The following ROBO2 variants were observed in gnomAD, a reference collection of about 807,000 sequenced individuals.
ROBO2 encodes roundabout guidance receptor 2, also known as roundabout homolog 2.
ROBO2 carries 53 observed loss-of-function variants against 160.8 expected under a neutral mutation model. That is an observed-to-expected ratio of 0.33 (90% CI 0.26 to 0.41). The LOEUF is 0.41. Ranked by LOEUF, ROBO2 falls within the 10% of genes least tolerant of loss-of-function variation. The pLI is 1.00. For synonymous variants in ROBO2, 664 were observed against 611.7 expected, an observed-to-expected ratio of 1.09 and a Z score of -1.26; for missense variants, 1,577 against 1,722.4, an observed-to-expected ratio of 0.92 and a Z score of 1.49.
At chr3:76,440,254 T>TA (rs2076865849) in intron 2 of ROBO2, among the ~76,000 whole-genome samples, 1 of 152,156 alleles carries the variant, frequency 6.6e-6, no homozygotes, top group African/African-American at 2.4e-5. Flanking sequence ...TATTTTATTT[T>TA]TTTTTTATTA....
chr3:77,471,075 A>G (rs897673375), intron 2 of ROBO2, among the ~76,000 whole-genome samples: 2 of 152,202 alleles, frequency 1.3e-5, no homozygotes, highest in African/African-American at 2.4e-5. Flanking sequence ...GTAACATTTT[A>G]GGCTTTACCC....
intron 2 of ROBO2, among the ~76,000 whole-genome samples, chr3:77,032,308 A>G (rs2063373901): frequency 6.6e-6 from 1 of 152,192 alleles, no homozygotes; most frequent in Non-Finnish European, 1.5e-5. Context: ...GCTACAAACT[A>G]TGACACTTTC....
intron 2 of ROBO2, among the ~76,000 whole-genome samples, chr3:76,803,434 A>G (rs2064389410): frequency 2.1e-5 from 1 of 47,152 alleles, no homozygotes; most frequent in Non-Finnish European, 3.7e-5. Context: ...ACAAAAGAGG[A>G]GGAAGGATGG....
At chr3:76,758,352 G>A (rs996696681) in intron 2 of ROBO2, among the ~76,000 whole-genome samples, 12 of 151,770 alleles carry the variant, frequency 7.9e-5, no homozygotes, top group African/African-American at 2.9e-4. Flanking sequence ...CAGAGGAATT[G>A]TCTTTGGCGT....
intron 2 of ROBO2, among the ~76,000 whole-genome samples, chr3:77,332,909 A>C (rs371585028): frequency 1.3e-5 from 2 of 152,308 alleles, no homozygotes; most frequent in Middle Eastern, 6.8e-3. Flanking sequence ...AGAGCGACTT[A>C]TTACAAATTT....
chr3:77,359,265 T>C (rs551980098), intron 2 of ROBO2, among the ~76,000 whole-genome samples: 16 of 152,294 alleles, frequency 1.1e-4, no homozygotes, highest in Admixed American at 7.8e-4. Flanking sequence ...TGACCAGTAA[T>C]GGAAAATGCA....
chr3:76,268,105 C>T (rs1454199054), intron 2 of ROBO2, among the ~76,000 whole-genome samples: 1 of 152,106 alleles, frequency 6.6e-6, no homozygotes, highest in Non-Finnish European at 1.5e-5. Flanking sequence ...TCTAAATGTA[C>T]ACATATACAC....
chr3:77,256,686 AG>A (rs2058438100), intron 2 of ROBO2, among the ~76,000 whole-genome samples: 1 of 152,222 alleles, frequency 6.6e-6, no homozygotes, highest in Non-Finnish European at 1.5e-5. Flanking sequence ...AGGAGGAAAG[AG>A]GAAAAGCCTA....
chr3:75,948,471 C>T (rs1948407902), intron 2 of ROBO2, among the ~76,000 whole-genome samples: 1 of 151,972 alleles, frequency 6.6e-6, no homozygotes, highest in Non-Finnish European at 1.5e-5. Flanking sequence ...ATACCCTAGC[C>T]ACATGCCAAT....
chr3:76,765,862 A>AC (rs1361884659), intron 2 of ROBO2, among the ~76,000 whole-genome samples: 1 of 151,534 alleles, frequency 6.6e-6, no homozygotes, highest in African/African-American at 2.4e-5. Flanking sequence ...AAATAAAAGG[A>AC]CTGTTTCGAG....
chr3:76,793,309 G>T (rs2108755911), intron 2 of ROBO2, among the ~76,000 whole-genome samples: 1 of 151,866 alleles, frequency 6.6e-6, no homozygotes, highest in Admixed American at 6.6e-5. Flanking sequence ...ATCTCACCCT[G>T]ATCATTTATA....
At chr3:76,825,899 T>C (rs1026020173) in intron 2 of ROBO2, among the ~76,000 whole-genome samples, 15 of 152,106 alleles carry the variant, frequency 9.9e-5, no homozygotes, top group African/African-American at 3.4e-4. Context: ...ATTTCTCTTG[T>C]GCATACTGTT....
chr3:77,624,766 G>C (rs1029595415), intron 23 of ROBO2, among the ~76,000 whole-genome samples: 2 of 152,098 alleles, frequency 1.3e-5, no homozygotes, highest in African/African-American at 4.8e-5. Context: ...AATGCTGTTA[G>C]TTATTTTCAC....
At chr3:76,662,757 G>A (rs2091879393) in intron 2 of ROBO2, among the ~76,000 whole-genome samples, 1 of 152,154 alleles carries the variant, frequency 6.6e-6, no homozygotes, top group African/African-American at 2.4e-5. Flanking sequence ...GGGACAGTCT[G>A]AGCAGAGTTG....
chr3:76,909,471 TG>T lies in ROBO2; in HGVS notation c.110-188540del, dbSNP rs776279551. ...TAATGAGTACAGTGTTCACTGTTCA[TG>T]GGATGAGCACCCTAAAATCTCAGAA... On this transcript the variant is annotated intron_variant, in intron 2 of 26. Transcript: ENST00000487694. Among the ~76,000 whole-genome samples, 4 of 152,256 alleles carry T rather than the reference TG, an allele frequency of 2.6e-5. No individual in the cohort carries two copies. In the South Asian group the frequency reaches 8.3e-4, roughly 32 times the overall value.
intron 2 of ROBO2, among the ~76,000 whole-genome samples, chr3:76,429,409 C>CA (rs2076349559): frequency 6.6e-6 from 1 of 152,148 alleles, no homozygotes; most frequent in Non-Finnish European, 1.5e-5. Flanking sequence ...GCACTTAGAA[C>CA]AATTCCTAGT....
At chr3:75,977,575 G>C (rs1370133847) in intron 2 of ROBO2, among the ~76,000 whole-genome samples, 2 of 151,376 alleles carry the variant, frequency 1.3e-5, no homozygotes, top group East Asian at 3.9e-4. Context: ...CATTATTTGG[G>C]TTTTCTTAAA....
intron 6 of ROBO2, among the ~76,000 whole-genome samples, chr3:77,525,050 T>A (rs1561074060): frequency 6.6e-6 from 1 of 151,374 alleles, no homozygotes; most frequent in Non-Finnish European, 1.5e-5. Flanking sequence ...AAGACAACAC[T>A]GTTATCTACG....
intron 2 of ROBO2, among the ~76,000 whole-genome samples, chr3:76,995,980 CT>C (rs1415602176): frequency 6.6e-6 from 1 of 152,102 alleles, no homozygotes; most frequent in Non-Finnish European, 1.5e-5. Context: ...TCAATTTTGG[CT>C]TTTGTTGCCA....
Sources: allele counts gnomAD v4.1 joint callset (sites outside exome capture counted in the v4.1 genomes callset), GRCh38; gene constraint gnomAD v4.1.1; transcripts MANE v1.5; gene names NCBI Gene and HGNC (gene_info 2026-07-23, HGNC 2026-07-21).